The following TDRD7 variants were observed in gnomAD, a reference collection of about 807,000 sequenced individuals.
The protein encoded by TDRD7 is tudor domain containing 7.
In TDRD7, 47 loss-of-function variants were observed where a neutral mutation model predicts 109.8. That is an observed-to-expected ratio of 0.43 (90% CI 0.34 to 0.55). TDRD7 has a LOEUF of 0.55. TDRD7 is among the 20% of genes least tolerant of loss of function. The probability of loss-of-function intolerance (pLI) is 0.03; values close to 1 mark genes in which losing one functional copy is unlikely to be tolerated. For synonymous variants in TDRD7, 424 were observed against 457.3 expected, an observed-to-expected ratio of 0.93 and a Z score of 0.93; for missense variants, 1,164 against 1,319.2, an observed-to-expected ratio of 0.88 and a Z score of 1.82.
chr9:97,480,639 A>T (rs1829100348), intron 13 of TDRD7, 189 bp from the exon 14 acceptor site: 2 of 625,398 alleles, frequency 3.2e-6, no homozygotes, highest in Non-Finnish European at 5.9e-6. Flanking sequence ...TAAAGACAAT[A>T]GTAGTTATAT....
intron 6 of TDRD7, among the ~76,000 whole-genome samples, chr9:97,452,890 G>A (rs545352647): frequency 6.6e-6 from 1 of 152,302 alleles, no homozygotes; most frequent in African/African-American, 2.4e-5. Context: ...CATGTCAGAG[G>A]TCATTGTTAG....
chr9:97,472,553 C>G, intron 10 of TDRD7, 58 bp downstream of exon 10: 2 of 1,347,294 alleles, frequency 1.5e-6, no homozygotes, highest in Non-Finnish European at 2.1e-6. Flanking sequence ...GAAAAATCAC[C>G]AGAATATTAT....
intron 8 of TDRD7, among the ~76,000 whole-genome samples, chr9:97,468,362 C>T (rs1278647713): frequency 6.6e-6 from 1 of 152,232 alleles, no homozygotes; most frequent in Non-Finnish European, 1.5e-5. Context: ...AAAAAGAAAG[C>T]GTCTCATAAA....
intron 12 of TDRD7, among the ~76,000 whole-genome samples, chr9:97,476,450 A>G (rs1037751799): frequency 1.3e-5 from 2 of 151,774 alleles, no homozygotes; most frequent in African/African-American, 4.8e-5. Flanking sequence ...TTGAGGTGGC[A>G]CACACCTATA....
intron 12 of TDRD7, 75 bp from the exon 13 acceptor site, chr9:97,478,364 C>T (rs1829059220): frequency 1.9e-6 from 3 of 1,573,646 alleles, no homozygotes; most frequent in South Asian, 1.1e-5. Flanking sequence ...CAGGATTGTA[C>T]AAAATGTAAT....
chr9:97,413,852 A>G (rs1022622468), intron 1 of TDRD7, among the ~76,000 whole-genome samples: 1 of 152,234 alleles, frequency 6.6e-6, no homozygotes, highest in African/African-American at 2.4e-5. Context: ...TCCCCTGCTA[A>G]TGCCCTTTTA....
At chr9:97,426,950 G>A (rs1001683699) in intron 1 of TDRD7, among the ~76,000 whole-genome samples, 1 of 152,216 alleles carries the variant, frequency 6.6e-6, no homozygotes, top group Admixed American at 6.5e-5. Flanking sequence ...CCGCTGTCCA[G>A]TATGGTAGCC....
intron 12 of TDRD7, 90 bp downstream of exon 12, chr9:97,475,559 A>G: frequency 1.1e-6 from 1 of 870,010 alleles, no homozygotes; most frequent in Non-Finnish European, 1.9e-6. Context: ...TTGAATAAAT[A>G]CTCACAGACT....
At chr9:97,459,948 C>T (rs745734996) in intron 6 of TDRD7, among the ~76,000 whole-genome samples, 23 of 152,114 alleles carry the variant, frequency 1.5e-4, no homozygotes, top group African/African-American at 1.9e-4. Context: ...GTCTCGATGC[C>T]GCACAAATGA....
chr9:97,493,447 G>T (rs113588690), intron 16 of TDRD7, among the ~76,000 whole-genome samples: 3 of 152,032 alleles, frequency 2.0e-5, no homozygotes, highest in Non-Finnish European at 4.4e-5. Flanking sequence ...GGTGTGGGTC[G>T]CAGAGATCAC....
At chr9:97,493,321 A>G (rs970628285) in intron 16 of TDRD7, among the ~76,000 whole-genome samples, 163 of 152,216 alleles carry the variant, frequency 1.1e-3, no homozygotes, top group African/African-American at 3.7e-3. Flanking sequence ...AGAAATTTTA[A>G]AGCTGGGTGT....
In TDRD7 at chr9:97,463,375, G is replaced by GT. The variant is rs199582339; in HGVS notation, c.1443-1463dup. Among the ~76,000 whole-genome samples the GT allele has an allele frequency of 5.3e-3, 755 of 143,228 alleles. 17 individuals are homozygous for GT. In the East Asian group the frequency reaches 0.08, roughly 15 times the overall value. The allele number at this position is 143,228 out of a possible 152,430, so 94.0% of individuals were successfully genotyped here. A position where few individuals can be genotyped will look rare whatever the true frequency, so the allele number is the denominator to read the frequency against. ...TTCCATTTTGTGTAGGACTTTCTGA[G>GT]TTTTGTTTTTTTTTTTTTTTTTCTC... On this transcript the variant is annotated intron_variant, in intron 7 of 16. Transcript: ENST00000355295.
rs536891094 is a variant in TDRD7, at chr9:97,446,536, G to A, written c.855+4661G>A. 4.3e-3 allele frequency among the ~76,000 whole-genome samples: 650 copies of A among 152,266 alleles called. 2 individuals are homozygous for A. Among genetic ancestry groups the A allele is most frequent in the African/African-American group, 0.015 (630 of 41,550 alleles). On this transcript the variant is annotated intron_variant, in intron 6 of 16. Coordinates refer to ENST00000355295, the MANE Select transcript of TDRD7 (RefSeq NM_014290.3). ...TACAAGGATGTTTTACTGTTAATCT[G>A]GTTTTATTATATATCATTTTCCTAT... is the stretch of plus-strand genomic sequence containing the variant.
At chr9:97,426,418 A>G (rs1240523442) in intron 1 of TDRD7, among the ~76,000 whole-genome samples, 1 of 151,746 alleles carries the variant, frequency 6.6e-6, no homozygotes, top group Non-Finnish European at 1.5e-5. Context: ...CATCCAGCTA[A>G]TTTTTCTATT....
intron 12 of TDRD7, among the ~76,000 whole-genome samples, chr9:97,477,270 G>T (rs184296599): frequency 3.2e-4 from 48 of 152,190 alleles, no homozygotes; most frequent in African/African-American, 1.2e-3. Context: ...AAAACCATTA[G>T]TTAATCCACA....
intron 8 of TDRD7, among the ~76,000 whole-genome samples, chr9:97,466,213 A>G (rs1828819951): frequency 6.6e-6 from 1 of 152,140 alleles, no homozygotes; most frequent in African/African-American, 2.4e-5. Flanking sequence ...CCCTAGCTAC[A>G]AGTGGGAGTT....
intron 1 of TDRD7, among the ~76,000 whole-genome samples, chr9:97,426,568 A>G (rs750955563): frequency 2.2e-4 from 34 of 152,144 alleles, no homozygotes; most frequent in Non-Finnish European, 2.9e-4. Context: ...TACTTTTTAA[A>G]CTTTTTAAAT....
Position 97,428,499 on chromosome 9 carries a change from C to T in TDRD7, c.34C>T (p.Arg12Ter), listed in dbSNP as rs781440085. The part of the protein sequence containing the change: ...LEGDLVSKML[R>*]AVLQSHKNGV... ...AGGAGATCTGGTTTCAAAGATGCTA[C>T]GAGCTGTTCTGCAGTCTCATAAGAA... Residue 12 changes from arginine (R) to a stop codon, truncating the protein, a stop_gained, in exon 2 of 17, where the codon CGA becomes TGA. Coordinates refer to ENST00000355295, the MANE Select transcript of TDRD7 (RefSeq NM_014290.3). LOFTEE classifies it high-confidence loss of function. The T allele has an allele frequency of 1.2e-6, 2 of 1,613,896 alleles. No homozygotes were observed. Among genetic ancestry groups the T allele is most frequent in the African/African-American group, 1.3e-5 (1 of 74,914 alleles).
intron 6 of TDRD7, among the ~76,000 whole-genome samples, chr9:97,458,356 C>T (rs1287844157): frequency 6.6e-6 from 1 of 152,172 alleles, no homozygotes. Flanking sequence ...TTTCAAACCT[C>T]TGGATACCTA....
Sources: gnomAD v4.1 joint callset for allele counts (sites outside exome capture counted in the v4.1 genomes callset) on GRCh38, gnomAD v4.1.1 for gene constraint, MANE v1.5 for transcripts, NCBI Gene and HGNC (gene_info 2026-07-23, HGNC 2026-07-21) for gene names.